Variants in LHPP observed in about 807,000 individuals in gnomAD.
The protein encoded by LHPP is phospholysine phosphohistidine inorganic pyrophosphate phosphatase.
LHPP carries 24 observed loss-of-function variants against 30.3 expected under a neutral mutation model. The ratio of observed to expected loss-of-function variants is 0.79; its 90% CI spans 0.57 to 1.11. The LOEUF (loss-of-function observed/expected upper bound fraction) is 1.11, where lower values mean the gene tolerates loss of function less well. Among genes scored for constraint, LHPP ranks in the 50% most tolerant of loss-of-function variants. LHPP has a pLI of 0.00. For synonymous variants in LHPP, 150 were observed against 157.1 expected, an observed-to-expected ratio of 0.95 and a Z score of 0.34; for missense variants, 356 against 367.2, an observed-to-expected ratio of 0.97 and a Z score of 0.25.
At chr10:124,567,143 C>T (rs909754050) in intron 6 of LHPP, among the ~76,000 whole-genome samples, 4 of 152,228 alleles carry the variant, frequency 2.6e-5, no homozygotes, top group African/African-American at 4.8e-5. Context: ...GCCCTTGCAG[C>T]CCCATCCTTG....
rs974434028 is a variant in LHPP, at chr10:124,587,466, C to T, written c.717-25798C>T. Among the ~76,000 whole-genome samples, 14 of 151,630 alleles carry T rather than the reference C, an allele frequency of 9.2e-5. No homozygotes were observed. The South Asian group carries it at 1.2e-3, about 14-fold the overall frequency. On this transcript the variant is annotated intron_variant, in intron 6 of 6. Transcript: ENST00000368842. Reference sequence around the variant, plus strand: ...TGGCCCAAATCCACCCTGAGGCAGGCGCAGTGGCTCACGTCTGTAATCCCA... The same window carrying T: ...TGGCCCAAATCCACCCTGAGGCAGGTGCAGTGGCTCACGTCTGTAATCCCA...
intron 5 of LHPP, among the ~76,000 whole-genome samples, chr10:124,511,621 C>T (rs1179389642): frequency 6.6e-6 from 1 of 152,198 alleles, no homozygotes; most frequent in Non-Finnish European, 1.5e-5. Context: ...CCTCTGGCCT[C>T]TGCTTGACTA....
chr10:124,510,058 A>T lies in LHPP; in HGVS notation c.625-7122A>T, dbSNP rs1481679618. Among the ~76,000 whole-genome samples, 1 of 151,784 alleles carries T rather than the reference A, an allele frequency of 6.6e-6. No individual in the cohort carries two copies. Among genetic ancestry groups the T allele is most frequent in the Non-Finnish European group, 1.5e-5 (1 of 67,964 alleles). The stretch of plus-strand genomic sequence containing the variant: ...CTGCCTCTGGGACTGTGGCGCCTCC[A>T]TCCGGCTCTCTGGATCCTGGGTTCT... On this transcript the variant is annotated intron_variant, in intron 5 of 6. Transcript: ENST00000368842. The surrounding 1 kb of genome is among the most constrained non-coding windows in gnomAD (Gnocchi z 4.0).
chr10:124,526,299 C>T, intron 6 of LHPP: 1 of 930,850 alleles, frequency 1.1e-6, no homozygotes, highest in Non-Finnish European at 1.3e-6. Flanking sequence ...CTCATGCTTA[C>T]ACACACTCAG....
chr10:124,542,022 C>G (rs7077004), intron 6 of LHPP, among the ~76,000 whole-genome samples: 101,581 of 151,758 alleles, frequency 0.67, 35,870 homozygotes, highest in East Asian at 0.9. Flanking sequence ...GACACCTCTC[C>G]AGCTGAGGCT....
At chr10:124,477,132 G>A (rs1012632101) in intron 1 of LHPP, among the ~76,000 whole-genome samples, 6 of 152,206 alleles carry the variant, frequency 3.9e-5, no homozygotes, top group African/African-American at 1.4e-4. Context: ...GAACCTGGGA[G>A]GCAGAGGTTG....
intron 1 of LHPP, among the ~76,000 whole-genome samples, chr10:124,469,547 A>G (rs1433571826): frequency 4.6e-5 from 7 of 152,044 alleles, no homozygotes; most frequent in African/African-American, 1.7e-4. Context: ...AGGACCAAAA[A>G]TCGGAGAGAT....
At chr10:124,574,515 A>C (rs916522732) in intron 6 of LHPP, among the ~76,000 whole-genome samples, 5 of 152,202 alleles carry the variant, frequency 3.3e-5, no homozygotes, top group African/African-American at 1.2e-4. Flanking sequence ...CGGGGGCTGC[A>C]GAGCTTCAGA....
At chr10:124,484,987 C>A (rs2001515) in intron 2 of LHPP, among the ~76,000 whole-genome samples, 20,809 of 152,158 alleles carry the variant, frequency 0.14, 1,800 homozygotes, top group Non-Finnish European at 0.17. Flanking sequence ...CCAGACACTT[C>A]TCCATTGGTC....
intron 6 of LHPP, among the ~76,000 whole-genome samples, chr10:124,522,794 G>T (rs1954642070): frequency 6.6e-6 from 1 of 151,990 alleles, no homozygotes; most frequent in Non-Finnish European, 1.5e-5. Context: ...TTCCTTGGAG[G>T]ATGGGGCTGG....
At position 124,563,313 on chromosome 10, in the gene LHPP, C is replaced by CTTTTTTTT. The variant is rs58678509; in HGVS notation, c.716+46050_716+46057dup. 2.2e-5 allele frequency among the ~76,000 whole-genome samples: 3 copies of CTTTTTTTT among 138,992 alleles called. 1 individual carries two copies. Among genetic ancestry groups the CTTTTTTTT allele is most frequent in the South Asian group, 2.3e-4 (1 of 4,424 alleles). The allele number at this position is 138,992 out of a possible 152,430, so 91.2% of individuals were successfully genotyped here. On this transcript the variant is annotated intron_variant, in intron 6 of 6. Transcript: ENST00000368842. ...AGAAACAATCTCTCTCTCTCTTTTT[C>CTTTTTTTT]TTTTTTTTTTTTTTTGCATAAAATC...
At chr10:124,476,910 T>C (rs1194628552) in intron 1 of LHPP, among the ~76,000 whole-genome samples, 2 of 152,150 alleles carry the variant, frequency 1.3e-5, no homozygotes, top group African/African-American at 2.4e-5. Flanking sequence ...GGCCCCGTTA[T>C]TAAAAACATT....
At chr10:124,521,919 G>C (rs1954621324) in intron 6 of LHPP, among the ~76,000 whole-genome samples, 1 of 152,352 alleles carries the variant, frequency 6.6e-6, no homozygotes, top group Middle Eastern at 3.4e-3. Flanking sequence ...AGGAGTCTGA[G>C]AGGCCGAGAG....
intron 5 of LHPP, among the ~76,000 whole-genome samples, chr10:124,499,756 G>A (rs903735048): frequency 1.3e-5 from 2 of 151,994 alleles, no homozygotes; most frequent in Non-Finnish European, 2.9e-5. Context: ...TCCCTCAGGT[G>A]TCAAGCCTGG....
In LHPP at chr10:124,611,253, A is replaced by G. The variant is rs79452988; in HGVS notation, c.717-2011A>G. 2.6e-3 allele frequency among the ~76,000 whole-genome samples: 392 copies of G among 152,092 alleles called. 4 individuals carry two copies. Among genetic ancestry groups the G allele is most frequent in the African/African-American group, 9.2e-3 (383 of 41,456 alleles). ...GGCAGCAATGTCCAGCAGTGGTGGA[A>G]GCTCTCGAAAGAACACAGGGCTGGG... On this transcript the variant is annotated intron_variant, in intron 6 of 6. Coordinates refer to ENST00000368842, the MANE Select transcript of LHPP (RefSeq NM_022126.4).
At position 124,585,475 on chromosome 10, in the gene LHPP, C is replaced by T. The variant is rs576997657; in HGVS notation, c.717-27789C>T. 8.0e-3 allele frequency among the ~76,000 whole-genome samples: 1,213 copies of T among 151,996 alleles called. 15 individuals are homozygous for T. Among genetic ancestry groups the T allele is most frequent in the African/African-American group, 0.028 (1,180 of 41,430 alleles). ...ACTAAAATACAAAAAATTAGCCAGGCATGGTGGCTGGCGCCTGTAGTCCCA... is the reference window on the plus strand; with the variant it reads ...ACTAAAATACAAAAAATTAGCCAGGTATGGTGGCTGGCGCCTGTAGTCCCA... On this transcript the variant is annotated intron_variant, in intron 6 of 6. Coordinates refer to ENST00000368842, the MANE Select transcript of LHPP (RefSeq NM_022126.4).
chr10:124,479,592 C>T (rs1219676118), intron 1 of LHPP, among the ~76,000 whole-genome samples: 3 of 147,078 alleles, frequency 2.0e-5, no homozygotes, highest in Non-Finnish European at 3.0e-5. Flanking sequence ...GGTGAGGCCC[C>T]TTTTCTGGGC....
intron 5 of LHPP, among the ~76,000 whole-genome samples, chr10:124,508,126 G>A (rs80033199): frequency 0.069 from 10,528 of 152,048 alleles, 618 homozygotes; most frequent in South Asian, 0.26. Flanking sequence ...GGGGAGGCTG[G>A]TGAGTGGGGA....
chr10:124,613,517 C>G lies in LHPP; in HGVS notation c.*157C>G. The G allele has an allele frequency of 1.6e-6, 1 of 640,522 alleles. No homozygotes were observed. The allele number at this position is 640,522 out of a possible 1,614,324, so 39.7% of individuals were successfully genotyped here. On this transcript the variant is annotated 3_prime_UTR_variant, in exon 7 of 7. Transcript: ENST00000368842. ...GCCTCCCCTCCACCTGCCCCAGTGC[C>G]CAGACCAACCAAGGCCCTGACAGCC...
Sources: allele counts gnomAD v4.1 joint callset (sites outside exome capture counted in the v4.1 genomes callset), GRCh38; gene constraint gnomAD v4.1.1; non-coding constraint Gnocchi (gnomAD v3.1); transcripts MANE v1.5; gene names NCBI Gene and HGNC (gene_info 2026-07-23, HGNC 2026-07-21).